Variants in FRMD4B observed in about 807,000 individuals in gnomAD.
FRMD4B encodes the protein FERM domain containing 4B.
A neutral mutation model predicts 141.5 loss-of-function variants in FRMD4B; 74 were observed. That is an observed-to-expected ratio of 0.52 (90% CI 0.43 to 0.63). The LOEUF (loss-of-function observed/expected upper bound fraction) is 0.63, where lower values mean the gene tolerates loss of function less well. Ranked by LOEUF, FRMD4B falls within the 30% of genes least tolerant of loss-of-function variation. The probability of loss-of-function intolerance (pLI) is 0.00; values close to 1 mark genes in which losing one functional copy is unlikely to be tolerated. For missense variants in FRMD4B, 1,366 were observed against 1,253.4 expected (o/e 1.09, Z -1.36); for synonymous variants, 506 against 467.9 (o/e 1.08, Z -1.05).
At chr3:69,274,756 T>C (rs1336097940) in intron 5 of FRMD4B, among the ~76,000 whole-genome samples, 2 of 152,202 alleles carry the variant, frequency 1.3e-5, no homozygotes, top group African/African-American at 4.8e-5. Flanking sequence ...TGGCCTCAAG[T>C]GATCCACTTG....
chr3:69,498,558 T>G (rs181080044), intron 1 of FRMD4B, among the ~76,000 whole-genome samples: 2 of 152,216 alleles, frequency 1.3e-5, no homozygotes, highest in African/African-American at 4.8e-5. Flanking sequence ...GAATTGTTGA[T>G]AGTTTCAGTC....
intron 4 of FRMD4B, 143 bp downstream of exon 4, chr3:69,302,200 A>G (rs1391077341): frequency 1.3e-5 from 8 of 626,696 alleles, no homozygotes; most frequent in African/African-American, 7.4e-5. Flanking sequence ...TCTCCTTCAC[A>G]TGATAATGTT....
chr3:69,480,247 T>G (rs1706095441), intron 1 of FRMD4B, among the ~76,000 whole-genome samples: 1 of 152,260 alleles, frequency 6.6e-6, no homozygotes. Flanking sequence ...CCATTGCTGG[T>G]GAGGAACTGC....
intron 5 of FRMD4B, 100 bp from the exon 6 acceptor site, chr3:69,250,199 G>A: frequency 1.2e-6 from 1 of 828,622 alleles, no homozygotes; most frequent in South Asian, 1.3e-5. Context: ...GGCACCTCCA[G>A]TTTACGATCA....
chr3:69,412,794 A>G (rs1244765765), intron 2 of FRMD4B, among the ~76,000 whole-genome samples: 1 of 148,856 alleles, frequency 6.7e-6, no homozygotes, highest in East Asian at 2.0e-4. Context: ...GAGTGGATGA[A>G]TGGGCAGTCA....
At chr3:69,213,242 T>A (rs937163985) in intron 11 of FRMD4B, among the ~76,000 whole-genome samples, 5 of 152,166 alleles carry the variant, frequency 3.3e-5, no homozygotes, top group African/African-American at 1.2e-4. Flanking sequence ...TACCATTTTT[T>A]TAACAGTTGC....
chr3:69,430,517 T>C (rs1705162120), intron 2 of FRMD4B, among the ~76,000 whole-genome samples: 1 of 152,196 alleles, frequency 6.6e-6, no homozygotes, highest in South Asian at 2.1e-4. Flanking sequence ...GTCTTTCTCA[T>C]TCATTCTTTC....
intron 19 of FRMD4B, among the ~76,000 whole-genome samples, chr3:69,185,873 C>T (rs1231262890): frequency 6.6e-6 from 1 of 151,928 alleles, no homozygotes; most frequent in Non-Finnish European, 1.5e-5. Flanking sequence ...GAAACTCTAT[C>T]TCTACTAAAG....
intron 14 of FRMD4B, 120 bp downstream of exon 14, chr3:69,196,135 A>G: frequency 1.3e-6 from 1 of 772,802 alleles, no homozygotes. Flanking sequence ...ATACATACTT[A>G]TTGACATACT....
chr3:69,343,316 A>T (rs1022449655), intron 1 of FRMD4B, among the ~76,000 whole-genome samples: 1 of 152,156 alleles, frequency 6.6e-6, no homozygotes, highest in Non-Finnish European at 1.5e-5. Flanking sequence ...TTTGTCAATG[A>T]CAAAGTAGGA....
intron 7 of FRMD4B, among the ~76,000 whole-genome samples, chr3:69,236,964 A>G (rs1157071557): frequency 1.3e-5 from 2 of 152,218 alleles, no homozygotes; most frequent in African/African-American, 2.4e-5. Context: ...AGCCCTCTTC[A>G]CTTTCTACCC....
intron 7 of FRMD4B, among the ~76,000 whole-genome samples, chr3:69,244,334 T>G (rs1278262694): frequency 6.6e-6 from 1 of 152,200 alleles, no homozygotes; most frequent in African/African-American, 2.4e-5. Context: ...TCGGAAATGC[T>G]GAATTCAAGA....
At chr3:69,530,998 A>C (rs1216229886) in intron 1 of FRMD4B, among the ~76,000 whole-genome samples, 1 of 152,216 alleles carries the variant, frequency 6.6e-6, no homozygotes, top group East Asian at 1.9e-4. Context: ...GAAATAGAAG[A>C]AGTATAACTG....
At chr3:69,251,685 G>A (rs1490408919) in intron 5 of FRMD4B, among the ~76,000 whole-genome samples, 1 of 152,164 alleles carries the variant, frequency 6.6e-6, no homozygotes, top group Non-Finnish European at 1.5e-5. Context: ...GGAATTCAAA[G>A]CTCGCCCATA....
intron 22 of FRMD4B, among the ~76,000 whole-genome samples, chr3:69,175,027 G>C (rs978225303): frequency 2.0e-5 from 3 of 152,006 alleles, no homozygotes; most frequent in Admixed American, 6.6e-5. Context: ...TGAGACAATT[G>C]GCTTAATATT....
At chr3:69,258,698 T>G (rs2093507705) in intron 5 of FRMD4B, among the ~76,000 whole-genome samples, 1 of 152,154 alleles carries the variant, frequency 6.6e-6, no homozygotes, top group Non-Finnish European at 1.5e-5. Context: ...ATTACTAATA[T>G]TATTAACTCT....
In FRMD4B at chr3:69,171,560, T is replaced by G; in HGVS notation, c.*301A>C. On this transcript the variant is annotated 3_prime_UTR_variant, in exon 23 of 23. Transcript: ENST00000398540. Reference sequence around the variant, plus strand: ...TTTGCCTTTAACAACTTTTACTCCCTTAAAAAGTGCTTGCTATTGATGAAG... The same window carrying G: ...TTTGCCTTTAACAACTTTTACTCCCGTAAAAAGTGCTTGCTATTGATGAAG... 4.2e-6 allele frequency: 1 copy of G among 235,720 alleles called. No homozygotes were observed. The highest frequency in any genetic ancestry group is 8.3e-6 in the Non-Finnish European group (1 of 121,046). 14.6% of individuals were successfully genotyped at this position (235,720 alleles called of 1,614,324 possible).
At position 69,181,231 on chromosome 3, in the gene FRMD4B, C is replaced by T. The variant is rs745788529; in HGVS notation, c.2519G>A (p.Arg840Gln). The T allele has an allele frequency of 1.7e-5, 28 of 1,613,694 alleles. No individual in the cohort carries two copies. The highest frequency in any genetic ancestry group is 1.1e-4 in the South Asian group (10 of 91,066). The part of the protein sequence containing the change: ...EGQYSVNPSY[R>Q]SSAHYGYERQ... ...CTCATATCCATAGTGGGCTGAGGACCGGTAGGAAGGGTTGACACTATACTG... is the reference window on the plus strand; with the variant it reads ...CTCATATCCATAGTGGGCTGAGGACTGGTAGGAAGGGTTGACACTATACTG... Residue 840 changes from arginine to glutamine, a missense_variant, in exon 21 of 23, where the codon CGG becomes CAG. Transcript: ENST00000398540.
At chr3:69,190,729 G>T (rs995136825) in intron 17 of FRMD4B, among the ~76,000 whole-genome samples, 5 of 152,096 alleles carry the variant, frequency 3.3e-5, no homozygotes, top group African/African-American at 1.2e-4. Context: ...TTTTCAACAG[G>T]TTTCTCAACA....
Sources: gnomAD v4.1 joint callset for allele counts (sites outside exome capture counted in the v4.1 genomes callset) on GRCh38, gnomAD v4.1.1 for gene constraint, MANE v1.5 for transcripts, NCBI Gene and HGNC (gene_info 2026-07-23, HGNC 2026-07-21) for gene names.